Variants in CNTN4 observed in about 807,000 individuals in gnomAD.
The protein encoded by CNTN4 is contactin 4.
In CNTN4, 77 loss-of-function variants were observed where a neutral mutation model predicts 122.5. The observed-to-expected ratio is 0.63, with a 90% CI of 0.52 to 0.76. CNTN4 has a LOEUF of 0.76. Ranked by LOEUF, CNTN4 falls within the 30% of genes least tolerant of loss-of-function variation. CNTN4 has a pLI of 0.00. For synonymous variants in CNTN4, 512 were observed against 447.0 expected (o/e 1.15, Z -1.83); for missense variants, 1,256 against 1,259.1 (o/e 1.00, Z 0.04).
chr3:2,942,012 T>C (rs2094621046), intron 13 of CNTN4, among the ~76,000 whole-genome samples: 2 of 152,202 alleles, frequency 1.3e-5, no homozygotes, highest in Admixed American at 1.3e-4. Context: ...AATTCCATAT[T>C]TATGTTTTCA....
intron 2 of CNTN4, among the ~76,000 whole-genome samples, chr3:2,291,754 G>T (rs1022335741): frequency 6.6e-6 from 1 of 151,844 alleles, no homozygotes; most frequent in Non-Finnish European, 1.5e-5. Flanking sequence ...CTTTTTTTGA[G>T]ATAGAGTCTC....
intron 4 of CNTN4, among the ~76,000 whole-genome samples, chr3:2,656,786 A>G (rs563202400): frequency 5.8e-4 from 89 of 152,320 alleles, no homozygotes; most frequent in African/African-American, 2.0e-3. Flanking sequence ...TTAGACCCCA[A>G]TGTCGGTATC....
intron 4 of CNTN4, among the ~76,000 whole-genome samples, chr3:2,607,059 T>G (rs1269377638): frequency 6.6e-6 from 1 of 152,228 alleles, no homozygotes; most frequent in Non-Finnish European, 1.5e-5. Flanking sequence ...TCTTCTTTCT[T>G]GATACAGTGC....
chr3:2,883,112 T>C (rs9839455), intron 8 of CNTN4, 33 bp from the exon 9 acceptor site: 5 of 1,454,340 alleles, frequency 3.4e-6, no homozygotes, highest in Non-Finnish European at 4.8e-6. Context: ...TTTAAAAGAA[T>C]CTCCAAGACT....
In CNTN4 at chr3:2,608,656, T is replaced by C. The variant is rs533807799; in HGVS notation, c.55+37098T>C. On this transcript the variant is annotated intron_variant, in intron 4 of 24. Transcript: ENST00000418658. ...GCCACCATGCCTGGCTAATTTTTTC[T>C]CTTTTTAGTAGACATGGGGTTTCAC... Among the ~76,000 whole-genome samples, 38 of 152,292 alleles carry C rather than the reference T, an allele frequency of 2.5e-4. 1 individual carries two copies. Among genetic ancestry groups the C allele is most frequent in the African/African-American group, 9.1e-4 (38 of 41,554 alleles).
intron 2 of CNTN4, among the ~76,000 whole-genome samples, chr3:2,109,430 G>T (rs1291853921): frequency 1.3e-5 from 2 of 152,078 alleles, no homozygotes; most frequent in Non-Finnish European, 2.9e-5. Flanking sequence ...TAACCACAGT[G>T]ACATATCCTC....
Position 2,513,976 on chromosome 3 carries a change from C to T in CNTN4, c.-88-57440C>T, listed in dbSNP as rs377762387. Among the ~76,000 whole-genome samples, 43 of 152,220 alleles carry T rather than the reference C, an allele frequency of 2.8e-4. 1 individual carries two copies. The East Asian group carries it at 7.5e-3, about 27-fold the overall frequency. Reference sequence around the variant, plus strand: ...TATGTAAAGATAGTGCATCTCTGTACGTGTTTGCATGCATACAAATCTACC... The same window carrying T: ...TATGTAAAGATAGTGCATCTCTGTATGTGTTTGCATGCATACAAATCTACC... On this transcript the variant is annotated intron_variant, in intron 3 of 24. Coordinates refer to ENST00000418658, the MANE Select transcript of CNTN4 (RefSeq NM_175607.3).
rs192889262 is a variant in CNTN4, at chr3:2,928,980, C to T, written c.1358+3201C>T. On this transcript the variant is annotated intron_variant, in intron 13 of 24. Coordinates refer to ENST00000418658, the MANE Select transcript of CNTN4 (RefSeq NM_175607.3). ...TAAAATATGTTATTGTTTTGGCTTC[C>T]CATTCTTTTGGAAATATACAGCATA... Among the ~76,000 whole-genome samples the T allele has an allele frequency of 1.0e-3, 156 of 152,178 alleles. 1 individual carries two copies. Among genetic ancestry groups the T allele is most frequent in the African/African-American group, 3.5e-3 (145 of 41,514 alleles).
chr3:2,162,057 G>A (rs1328909114), intron 2 of CNTN4, among the ~76,000 whole-genome samples: 2 of 152,072 alleles, frequency 1.3e-5, no homozygotes, highest in East Asian at 3.9e-4. Context: ...TTTTAATTTA[G>A]TTTTATTCTT....
intron 8 of CNTN4, among the ~76,000 whole-genome samples, chr3:2,868,989 G>A (rs1009011159): frequency 2.0e-5 from 3 of 152,040 alleles, no homozygotes; most frequent in Non-Finnish European, 4.4e-5. Flanking sequence ...AACATCATAT[G>A]CAAAAGCCCT....
intron 7 of CNTN4, among the ~76,000 whole-genome samples, chr3:2,821,729 G>C (rs1450910016): frequency 6.6e-6 from 1 of 152,148 alleles, no homozygotes; most frequent in South Asian, 2.1e-4. Context: ...TTAATAAGTA[G>C]TAATATTTAT....
At chr3:2,272,324 T>G (rs2041330611) in intron 2 of CNTN4, among the ~76,000 whole-genome samples, 1 of 152,148 alleles carries the variant, frequency 6.6e-6, no homozygotes, top group Non-Finnish European at 1.5e-5. Flanking sequence ...CATATTTATT[T>G]ATGAATTTTT....
At chr3:2,998,777 A>T (rs1374118824) in intron 14 of CNTN4, among the ~76,000 whole-genome samples, 1 of 152,334 alleles carries the variant, frequency 6.6e-6, no homozygotes, top group Middle Eastern at 3.4e-3. Flanking sequence ...GCTATTGCTC[A>T]TATTTCAGGA....
At chr3:2,388,767 C>T (rs1263572768) in intron 3 of CNTN4, among the ~76,000 whole-genome samples, 1 of 151,944 alleles carries the variant, frequency 6.6e-6, no homozygotes, top group Non-Finnish European at 1.5e-5. Context: ...ATCGCTTCAA[C>T]CTGGGAGGTA....
chr3:2,665,333 A>G (rs764450323), intron 4 of CNTN4, among the ~76,000 whole-genome samples: 10 of 152,222 alleles, frequency 6.6e-5, no homozygotes, highest in Non-Finnish European at 1.2e-4. Context: ...TTACTAGTTT[A>G]GGAAACAGTG....
chr3:2,479,809 T>G (rs1346153547), intron 3 of CNTN4, among the ~76,000 whole-genome samples: 1 of 152,142 alleles, frequency 6.6e-6, no homozygotes, highest in Admixed American at 6.5e-5. Context: ...GACAAACACA[T>G]TACAAGAAAA....
At chr3:2,729,256 G>A (rs1341875865) in intron 4 of CNTN4, among the ~76,000 whole-genome samples, 1 of 152,106 alleles carries the variant, frequency 6.6e-6, no homozygotes, top group Non-Finnish European at 1.5e-5. Context: ...TCTTCACTGG[G>A]ATCCTAACCT....
chr3:2,915,175 C>T (rs1317593408), intron 12 of CNTN4, among the ~76,000 whole-genome samples: 1 of 152,188 alleles, frequency 6.6e-6, no homozygotes, highest in African/African-American at 2.4e-5. Flanking sequence ...AAGCGTATCT[C>T]CCACCTGAGC....
At chr3:2,654,148 CCTT>C (rs1248310283) in intron 4 of CNTN4, among the ~76,000 whole-genome samples, 1 of 152,184 alleles carries the variant, frequency 6.6e-6, no homozygotes, top group African/African-American at 2.4e-5. Flanking sequence ...TTTATTTACT[CCTT>C]CTACTCCAAA....
Sources: gnomAD v4.1 joint callset for allele counts (sites outside exome capture counted in the v4.1 genomes callset) on GRCh38, gnomAD v4.1.1 for gene constraint, MANE v1.5 for transcripts, NCBI Gene and HGNC (gene_info 2026-07-23, HGNC 2026-07-21) for gene names.